Variants in LINGO2 observed in about 807,000 individuals in gnomAD.
The protein encoded by LINGO2 is leucine-rich repeat and immunoglobulin-like domain-containing nogo receptor-interacting protein 2.
Under a neutral mutation model 30.6 loss-of-function variants are expected in LINGO2, and 14 were observed. That is an observed-to-expected ratio of 0.46 (90% CI 0.30 to 0.72). The LOEUF is 0.72. Ranked by LOEUF, LINGO2 falls within the 30% of genes least tolerant of loss-of-function variation. The pLI is 0.07. For missense variants in LINGO2, 729 were observed against 751.7 expected, an observed-to-expected ratio of 0.97 and a Z score of 0.35; for synonymous variants, 317 against 288.5, an observed-to-expected ratio of 1.10 and a Z score of -1.00.
chr9:28,164,168 G>T (rs1828364289), intron 4 of LINGO2, among the ~76,000 whole-genome samples: 1 of 152,038 alleles, frequency 6.6e-6, no homozygotes, highest in South Asian at 2.1e-4. Context: ...TATCTATGTT[G>T]TTCATTTCAT....
chr9:27,964,806 GA>G (rs1346489595), intron 5 of LINGO2, among the ~76,000 whole-genome samples: 6 of 152,182 alleles, frequency 3.9e-5, no homozygotes, highest in Admixed American at 2.0e-4. Flanking sequence ...TCATCTGGAT[GA>G]GTAAATCTCC....
chr9:28,245,279 T>A lies in LINGO2; in HGVS notation c.-87+49929A>T, dbSNP rs558724342. On this transcript the variant is annotated intron_variant, in intron 4 of 5. Transcript: ENST00000379992. ...ATACCTTCAGGTTAAAAACTCTCAA[T>A]AAACTAGGTATTGATGGAACATATC... 3.3e-4 allele frequency among the ~76,000 whole-genome samples: 50 copies of A among 152,210 alleles called. No individual in the cohort carries two copies. The South Asian group carries it at 5.6e-3, about 17-fold the overall frequency.
the LINGO2 span, among the ~76,000 whole-genome samples, chr9:29,141,346 A>G: frequency 6.6e-6 from 1 of 151,974 alleles, no homozygotes; most frequent in South Asian, 2.1e-4. Context: ...TTATCAGCTT[A>G]AAAGAGTTAT....
the LINGO2 span, among the ~76,000 whole-genome samples, chr9:28,712,488 T>C: frequency 1.3e-5 from 2 of 151,228 alleles, no homozygotes; most frequent in South Asian, 2.1e-4. Flanking sequence ...GCTCTGAATC[T>C]AGAATGCCTA....
intron 4 of LINGO2, among the ~76,000 whole-genome samples, chr9:28,030,123 A>C (rs1015216470): frequency 6.6e-6 from 1 of 152,190 alleles, no homozygotes; most frequent in Non-Finnish European, 1.5e-5. Context: ...ATCACTGATC[A>C]TTCAGGTAAA....
At chr9:28,717,480 C>T in the LINGO2 span, among the ~76,000 whole-genome samples, 1 of 151,754 alleles carries the variant, frequency 6.6e-6, no homozygotes, top group East Asian at 1.9e-4. Context: ...TTACAATAAA[C>T]ATGAGATTTT....
chr9:28,830,803 T>G, the LINGO2 span, among the ~76,000 whole-genome samples: 2 of 147,752 alleles, frequency 1.4e-5, no homozygotes, highest in Non-Finnish European at 2.9e-5. Context: ...CACACATGCA[T>G]GTTCACTTGC....
intron 4 of LINGO2, among the ~76,000 whole-genome samples, chr9:28,188,313 AT>A (rs142043371): frequency 9.9e-5 from 15 of 152,220 alleles, no homozygotes; most frequent in Admixed American, 9.2e-4. Flanking sequence ...CAAAATAAGC[AT>A]TTTTTCTTTA....
intron 4 of LINGO2, among the ~76,000 whole-genome samples, chr9:28,099,463 C>T (rs1472500318): frequency 6.6e-6 from 1 of 152,108 alleles, no homozygotes; most frequent in Non-Finnish European, 1.5e-5. Flanking sequence ...TAGGCTTCAT[C>T]TTCTCCCTTT....
At chr9:28,055,676 A>C (rs146380425) in intron 4 of LINGO2, among the ~76,000 whole-genome samples, 1 of 152,304 alleles carries the variant, frequency 6.6e-6, no homozygotes, top group African/African-American at 2.4e-5. Flanking sequence ...ATTGTCAAAA[A>C]ACAAAATGCT....
the LINGO2 span, among the ~76,000 whole-genome samples, chr9:29,131,339 C>G: frequency 6.6e-6 from 1 of 152,084 alleles, no homozygotes; most frequent in South Asian, 2.1e-4. Context: ...CTTTTCCCCT[C>G]CAGCAATTAA....
the LINGO2 span, among the ~76,000 whole-genome samples, chr9:28,920,309 T>A: frequency 4.0e-5 from 6 of 151,576 alleles, no homozygotes; most frequent in African/African-American, 1.5e-4. Flanking sequence ...TATATATATA[T>A]AATAAAATTT....
Position 28,117,997 on chromosome 9 carries a change from G to C in LINGO2, c.-86-105592C>G, listed in dbSNP as rs532696868. 8.5e-5 allele frequency among the ~76,000 whole-genome samples: 13 copies of C among 152,184 alleles called. No individual in the cohort carries two copies. The South Asian group carries it at 2.5e-3, about 29-fold the overall frequency. ...TAATTCAACCATTGTGGAAAACAGT[G>C]TAAGTGTCTTACTTATAAGTGGGAG... is the stretch of plus-strand genomic sequence containing the variant. On this transcript the variant is annotated intron_variant, in intron 4 of 5. Transcript: ENST00000379992.
the LINGO2 span, among the ~76,000 whole-genome samples, chr9:29,101,761 C>A: frequency 1.3e-5 from 2 of 152,096 alleles, no homozygotes; most frequent in Non-Finnish European, 2.9e-5. Context: ...TTTTTTATGG[C>A]TGAATAGTAT....
the LINGO2 span, among the ~76,000 whole-genome samples, chr9:28,826,186 A>T: frequency 2.0e-5 from 3 of 152,298 alleles, no homozygotes; most frequent in South Asian, 6.2e-4. Flanking sequence ...AAACCAGTGT[A>T]TATAATCTCT....
At chr9:27,976,894 CTCGTGGTATTT>C (rs1820622341) in intron 5 of LINGO2, among the ~76,000 whole-genome samples, 3 of 152,022 alleles carry the variant, frequency 2.0e-5, no homozygotes, top group Non-Finnish European at 4.4e-5. Flanking sequence ...CTGGACCACT[CTCGTGGTATTT>C]TGCAGAACTT....
At chr9:28,214,460 C>G (rs558587891) in intron 4 of LINGO2, among the ~76,000 whole-genome samples, 4 of 151,624 alleles carry the variant, frequency 2.6e-5, no homozygotes, top group African/African-American at 9.6e-5. Context: ...TATTGAATTC[C>G]ATTATCTTTA....
chr9:28,093,529 GT>G (rs1033112473), intron 4 of LINGO2, among the ~76,000 whole-genome samples: 13 of 148,648 alleles, frequency 8.7e-5, no homozygotes, highest in South Asian at 4.3e-4. Flanking sequence ...CTAAACATTA[GT>G]TTTTTTTTTA....
intron 4 of LINGO2, among the ~76,000 whole-genome samples, chr9:28,041,850 G>T (rs147558454): frequency 6.6e-6 from 1 of 151,988 alleles, no homozygotes; most frequent in Non-Finnish European, 1.5e-5. Flanking sequence ...TATAAACTCC[G>T]TAGTACCTGG....
Sources: allele counts gnomAD v4.1 joint callset (sites outside exome capture counted in the v4.1 genomes callset), GRCh38; gene constraint gnomAD v4.1.1; transcripts MANE v1.5; gene names NCBI Gene and HGNC (gene_info 2026-07-23, HGNC 2026-07-21).